The following PDE10A variants were observed in gnomAD, a reference collection of about 807,000 sequenced individuals.
PDE10A encodes the protein cAMP and cAMP-inhibited cGMP 3',5'-cyclic phosphodiesterase 10A.
A neutral mutation model predicts 97.7 loss-of-function variants in PDE10A; 39 were observed. The observed-to-expected ratio is 0.40, with a 90% CI of 0.31 to 0.52. The LOEUF is 0.52. PDE10A is among the 20% of genes least tolerant of loss of function. PDE10A has a pLI of 0.56. For synonymous variants in PDE10A, 371 were observed against 376.8 expected (o/e 0.98, Z 0.18); for missense variants, 731 against 1,047.8 (o/e 0.70, Z 4.17).
upstream of PDE10A, among the ~76,000 whole-genome samples, chr6:165,663,960 G>A (rs1475669444): frequency 6.6e-6 from 1 of 152,222 alleles, no homozygotes; most frequent in Non-Finnish European, 1.5e-5. Flanking sequence ...AAGTTGGAGC[G>A]CAAGAGCGCA....
intron 1 of PDE10A, among the ~76,000 whole-genome samples, chr6:165,877,575 G>A (rs949201867): frequency 3.9e-5 from 6 of 152,096 alleles, no homozygotes; most frequent in African/African-American, 9.7e-5. Flanking sequence ...TGCGTGTACA[G>A]CATGGTGTTT....
intron 18 of PDE10A, among the ~76,000 whole-genome samples, chr6:165,346,489 C>T (rs1196388097): frequency 6.6e-6 from 1 of 152,214 alleles, no homozygotes; most frequent in East Asian, 1.9e-4. Flanking sequence ...AGCACAGGCT[C>T]TATCACAGGG....
At chr6:165,639,760 A>G (rs1439137275) in intron 1 of PDE10A, among the ~76,000 whole-genome samples, 6 of 124,788 alleles carry the variant, frequency 4.8e-5, no homozygotes, top group African/African-American at 1.7e-4. Flanking sequence ...AAAAAAAAAG[A>G]GAGAGAGACA....
At chr6:165,562,492 C>T (rs1338358690) in intron 1 of PDE10A, among the ~76,000 whole-genome samples, 1 of 152,116 alleles carries the variant, frequency 6.6e-6, no homozygotes, top group Non-Finnish European at 1.5e-5. Flanking sequence ...AAAGTCCTAA[C>T]CATTAAAAAC....
At chr6:165,684,220 C>T (rs73788720) in intron 1 of PDE10A, among the ~76,000 whole-genome samples, 7,763 of 152,206 alleles carry the variant, frequency 0.051, 632 homozygotes, top group African/African-American at 0.17. Flanking sequence ...GGTCTCCTCT[C>T]GCTAAGATCC....
At chr6:165,561,212 C>A (rs1784506882) in intron 1 of PDE10A, among the ~76,000 whole-genome samples, 1 of 149,824 alleles carries the variant, frequency 6.7e-6, no homozygotes, top group Non-Finnish European at 1.5e-5. Flanking sequence ...AGGCAAGACT[C>A]CAACTCAAAA....
At chr6:165,356,710 A>G (rs900452084) in intron 18 of PDE10A, among the ~76,000 whole-genome samples, 1 of 152,206 alleles carries the variant, frequency 6.6e-6, no homozygotes, top group African/African-American at 2.4e-5. Flanking sequence ...CATTTGCAGA[A>G]AAGACAGTTG....
intron 1 of PDE10A, among the ~76,000 whole-genome samples, chr6:165,798,699 T>C (rs1441063913): frequency 6.9e-6 from 1 of 145,510 alleles, no homozygotes; most frequent in African/African-American, 2.6e-5. Context: ...CGAGGTTAAA[T>C]TTAAACCAAT....
At chr6:165,778,032 A>ATT (rs138575054) in intron 1 of PDE10A, among the ~76,000 whole-genome samples, 93 of 149,562 alleles carry the variant, frequency 6.2e-4, no homozygotes, top group African/African-American at 2.2e-3. Flanking sequence ...AAAAGGCTAC[A>ATT]TTTTTTTTTC....
At chr6:165,645,135 T>C (rs1031351473) in intron 1 of PDE10A, among the ~76,000 whole-genome samples, 36 of 152,308 alleles carry the variant, frequency 2.4e-4, no homozygotes, top group African/African-American at 8.4e-4. Context: ...GGCGCACATC[T>C]GAGCCTTGCT....
intron 2 of PDE10A, among the ~76,000 whole-genome samples, chr6:165,524,891 T>C (rs1782338668): frequency 6.6e-6 from 1 of 152,170 alleles, no homozygotes; most frequent in South Asian, 2.1e-4. Context: ...TTGTAAACTC[T>C]GAGGAACCTT....
intron 1 of PDE10A, among the ~76,000 whole-genome samples, chr6:165,673,664 T>C (rs1336209189): frequency 6.6e-6 from 1 of 152,278 alleles, no homozygotes; most frequent in Non-Finnish European, 1.5e-5. Flanking sequence ...TGTTTTGTTT[T>C]GAAATTTTTA....
chr6:165,730,669 C>T (rs571911760), intron 1 of PDE10A, among the ~76,000 whole-genome samples: 100 of 150,738 alleles, frequency 6.6e-4, no homozygotes, highest in Non-Finnish European at 1.2e-3. Context: ...AGGGGAATCG[C>T]TTGAACCTGG....
intron 18 of PDE10A, among the ~76,000 whole-genome samples, chr6:165,371,609 C>T (rs923924090): frequency 9.2e-5 from 14 of 152,126 alleles, no homozygotes; most frequent in African/African-American, 3.4e-4. Context: ...CAAAAAGAGT[C>T]CAGGACCAGA....
chr6:165,373,101 T>C (rs374189868), intron 18 of PDE10A, among the ~76,000 whole-genome samples: 3 of 150,938 alleles, frequency 2.0e-5, no homozygotes, highest in African/African-American at 4.9e-5. Flanking sequence ...AAGACTTAAA[T>C]GTTAGACCTA....
At chr6:165,682,902 G>T (rs1368280268) in intron 1 of PDE10A, among the ~76,000 whole-genome samples, 3 of 152,122 alleles carry the variant, frequency 2.0e-5, no homozygotes, top group Admixed American at 2.0e-4. Flanking sequence ...TCTGGGTTAG[G>T]TACCCCTTTC....
chr6:165,824,899 G>A (rs1322284156), intron 1 of PDE10A, among the ~76,000 whole-genome samples: 1 of 150,364 alleles, frequency 6.7e-6, no homozygotes, highest in Admixed American at 6.6e-5. Context: ...GGAGGCCGAG[G>A]CAGGTGGATC....
At chr6:165,468,636 T>C (rs539376704) in intron 3 of PDE10A, among the ~76,000 whole-genome samples, 11 of 152,214 alleles carry the variant, frequency 7.2e-5, no homozygotes, top group African/African-American at 2.4e-4. Flanking sequence ...CATTATCAGA[T>C]GAGGCTACTA....
intron 1 of PDE10A, among the ~76,000 whole-genome samples, chr6:165,592,180 C>G (rs896167345): frequency 6.6e-6 from 1 of 152,056 alleles, no homozygotes; most frequent in African/African-American, 2.4e-5. Flanking sequence ...TGATCTTTGA[C>G]AAACCTGACA....
Sources: gnomAD v4.1 joint callset for allele counts (sites outside exome capture counted in the v4.1 genomes callset) on GRCh38, gnomAD v4.1.1 for gene constraint, MANE v1.5 for transcripts, NCBI Gene and HGNC (gene_info 2026-07-23, HGNC 2026-07-21) for gene names.